Variants in HIPK2 observed in about 807,000 individuals in gnomAD.
The protein encoded by HIPK2 is homeodomain-interacting protein kinase 2.
Under a neutral mutation model 113.7 loss-of-function variants are expected in HIPK2, and 27 were observed. That is an observed-to-expected ratio of 0.24 (90% CI 0.17 to 0.33). The LOEUF (loss-of-function observed/expected upper bound fraction) is 0.33. Ranked by LOEUF, HIPK2 falls within the 10% of genes least tolerant of loss-of-function variation. HIPK2 has a pLI of 1.00. For missense variants in HIPK2, 1,257 were observed against 1,588.0 expected, an observed-to-expected ratio of 0.79 and a Z score of 3.54; for synonymous variants, 631 against 642.2, an observed-to-expected ratio of 0.98 and a Z score of 0.26.
intron 2 of HIPK2, among the ~76,000 whole-genome samples, chr7:139,674,519 G>A (rs1208962081): frequency 6.6e-6 from 1 of 152,138 alleles, no homozygotes; most frequent in African/African-American, 2.4e-5. Flanking sequence ...GGAGAGGGCA[G>A]GAAGAAAGGC....
At chr7:139,639,770 G>T (rs546317415) in intron 2 of HIPK2, among the ~76,000 whole-genome samples, 1 of 152,318 alleles carries the variant, frequency 6.6e-6, no homozygotes, top group African/African-American at 2.4e-5. Context: ...TTTGTAGAAG[G>T]AATGAGTCTA....
chr7:139,583,765 G>T (rs1339643376), intron 13 of HIPK2, 52 bp downstream of exon 13: 1 of 1,578,326 alleles, frequency 6.3e-7, no homozygotes, highest in Non-Finnish European at 8.6e-7. Context: ...CAGAAAAGCA[G>T]GAAAACCACT....
At chr7:139,747,418 C>T (rs894123713) in intron 1 of HIPK2, among the ~76,000 whole-genome samples, 5 of 152,188 alleles carry the variant, frequency 3.3e-5, no homozygotes, top group African/African-American at 1.2e-4. Flanking sequence ...AGGGCCGGCA[C>T]TTGAAACCTG....
chr7:139,628,303 C>T (rs370865768), intron 5 of HIPK2, among the ~76,000 whole-genome samples: 1 of 152,286 alleles, frequency 6.6e-6, no homozygotes, highest in East Asian at 1.9e-4. Flanking sequence ...CACCTTCTAA[C>T]GGCTGCCCCA....
intron 1 of HIPK2, among the ~76,000 whole-genome samples, chr7:139,776,185 A>G (rs1419479843): frequency 3.9e-5 from 6 of 152,150 alleles, no homozygotes; most frequent in African/African-American, 1.4e-4. Context: ...TGTTTTGTCG[A>G]ATGGTTAAAT....
In HIPK2 at chr7:139,669,291, G is replaced by A. The variant is rs548692916; in HGVS notation, c.1104-37566C>T. 1.7e-4 allele frequency among the ~76,000 whole-genome samples: 26 copies of A among 152,236 alleles called. No individual in the cohort carries two copies. The South Asian group carries it at 5.2e-3, about 30-fold the overall frequency. ...AAAGGATGAACAATAAACAGAAGCCGTGCTCTCCCAATTTGAGGCATTGGT... is the reference window on the plus strand; with the variant it reads ...AAAGGATGAACAATAAACAGAAGCCATGCTCTCCCAATTTGAGGCATTGGT... On this transcript the variant is annotated intron_variant, in intron 2 of 14. Coordinates refer to ENST00000406875, the MANE Select transcript of HIPK2 (RefSeq NM_022740.5).
chr7:139,637,243 T>C (rs866572036), intron 2 of HIPK2, among the ~76,000 whole-genome samples: 2 of 152,174 alleles, frequency 1.3e-5, no homozygotes, highest in Non-Finnish European at 2.9e-5. Flanking sequence ...AGGGAACAGA[T>C]GGCACCCCAC....
chr7:139,710,238 A>G (rs536970233), intron 2 of HIPK2, among the ~76,000 whole-genome samples: 6 of 152,144 alleles, frequency 3.9e-5, no homozygotes, highest in African/African-American at 1.4e-4. Context: ...TCACCGGATT[A>G]TTATTTTCCA....
intron 1 of HIPK2, among the ~76,000 whole-genome samples, chr7:139,737,118 A>G (rs1002055224): frequency 5.3e-5 from 8 of 152,178 alleles, no homozygotes; most frequent in Non-Finnish European, 1.0e-4. Context: ...GCATGAATTC[A>G]TTTCCCTTTT....
chr7:139,706,550 C>T (rs1359131839), intron 2 of HIPK2, among the ~76,000 whole-genome samples: 1 of 152,148 alleles, frequency 6.6e-6, no homozygotes, highest in East Asian at 1.9e-4. Flanking sequence ...ATTTAATAAG[C>T]ATTAAGGGAG....
intron 1 of HIPK2, among the ~76,000 whole-genome samples, chr7:139,730,217 G>C (rs182782684): frequency 6.6e-6 from 1 of 152,196 alleles, no homozygotes; most frequent in Admixed American, 6.5e-5. Context: ...ACCCATTTCC[G>C]GCCCAGTCCA....
intron 2 of HIPK2, among the ~76,000 whole-genome samples, chr7:139,698,624 A>G (rs911283645): frequency 0.17 from 25,841 of 152,204 alleles, 2,226 homozygotes; most frequent in African/African-American, 0.2. Context: ...TAATTTATGA[A>G]ACAAAAATCC....
chr7:139,753,501 A>C (rs773114399), intron 1 of HIPK2, among the ~76,000 whole-genome samples: 1 of 152,196 alleles, frequency 6.6e-6, no homozygotes, highest in Non-Finnish European at 1.5e-5. Context: ...AAGACACCAA[A>C]TGTCATGAGT....
At chr7:139,603,932 A>G (rs1432913933) in intron 10 of HIPK2, 149 bp downstream of exon 10, 11 of 989,146 alleles carry the variant, frequency 1.1e-5, no homozygotes, top group Middle Eastern at 3.3e-4. Context: ...CCCTGCACTC[A>G]TAGTCCACAC....
At chr7:139,636,335 T>C (rs1800812742) in intron 2 of HIPK2, among the ~76,000 whole-genome samples, 1 of 151,856 alleles carries the variant, frequency 6.6e-6, no homozygotes, top group Non-Finnish European at 1.5e-5. Flanking sequence ...CACCGTCTTC[T>C]CTCCTTCCAC....
chr7:139,675,835 G>A (rs879767395), intron 2 of HIPK2, among the ~76,000 whole-genome samples: 4 of 152,120 alleles, frequency 2.6e-5, no homozygotes, highest in Admixed American at 2.0e-4. Context: ...CAACCCCAAC[G>A]CTTAGATAAG....
intron 1 of HIPK2, among the ~76,000 whole-genome samples, chr7:139,735,087 G>C (rs77644823): frequency 0.019 from 2,849 of 152,294 alleles, 86 homozygotes; most frequent in African/African-American, 0.063. Flanking sequence ...TAAGTCATAG[G>C]TTTTTCACTG....
At chr7:139,633,841 A>T (rs975362064) in intron 2 of HIPK2, among the ~76,000 whole-genome samples, 2 of 151,824 alleles carry the variant, frequency 1.3e-5, no homozygotes, top group African/African-American at 4.8e-5. Context: ...GCTATTCAGG[A>T]GGCTGAGGCA....
intron 2 of HIPK2, among the ~76,000 whole-genome samples, chr7:139,673,885 TAAAAAAAAAAAAAAAAAAAAAA>T (rs60905469): frequency 1.4e-5 from 1 of 73,406 alleles, no homozygotes; most frequent in Non-Finnish European, 2.5e-5. Flanking sequence ...CTATCTGTAC[TAAAAAAAAAAAAAAAAAAAAAA>T]AAAAAAAAAA....
Sources: gnomAD v4.1 joint callset for allele counts (sites outside exome capture counted in the v4.1 genomes callset) on GRCh38, gnomAD v4.1.1 for gene constraint, MANE v1.5 for transcripts, NCBI Gene and HGNC (gene_info 2026-07-23, HGNC 2026-07-21) for gene names.